Variants in TSHZ1 observed in about 807,000 individuals in gnomAD.
TSHZ1 encodes teashirt homolog 1.
TSHZ1 carries 12 observed loss-of-function variants against 67.1 expected under a neutral mutation model. The observed-to-expected ratio is 0.18, with a 90% CI of 0.11 to 0.29. The LOEUF (loss-of-function observed/expected upper bound fraction) is 0.29, where lower values mean the gene tolerates loss of function less well. Among genes scored for constraint, TSHZ1 ranks in the 10% least tolerant of loss-of-function variants. The pLI is 1.00. For synonymous variants in TSHZ1, 632 were observed against 622.4 expected, an observed-to-expected ratio of 1.02 and a Z score of -0.23; for missense variants, 1,305 against 1,413.9, an observed-to-expected ratio of 0.92 and a Z score of 1.23.
rs1473256378 is a variant in TSHZ1 at position 75,222,223 on chromosome 18, G to T, written c.40+10307G>T. Among the ~76,000 whole-genome samples the T allele has an allele frequency of 4.1e-5, 6 of 145,312 alleles. No homozygotes were observed. In the East Asian group the frequency reaches 9.7e-4, roughly 24 times the overall value. Reference sequence around the variant, plus strand: ...TATTTTTGCAGTGGAAAAGTTGCCTGACTTTTTTTTTTTTTTAAGCAGGTA... The same window carrying T: ...TATTTTTGCAGTGGAAAAGTTGCCTTACTTTTTTTTTTTTTTAAGCAGGTA... On this transcript the variant is annotated intron_variant, in intron 1 of 1. Coordinates refer to ENST00000580243, the MANE Select transcript of TSHZ1 (RefSeq NM_001308210.2).
chr18:75,287,000 C>T lies in TSHZ1; in HGVS notation c.1593C>T (p.Thr531=). The change falls in exon 2 of 2, where the codon ACC becomes ACT. Residue 531 remains threonine, a synonymous_variant. Transcript: ENST00000580243. The surrounding 1 kb of genome is among the most constrained non-coding windows in gnomAD (Gnocchi z 5.1). The part of the protein sequence containing the change: ...EDSLEKFEPS[T]LYPYLREEDL... Reference sequence around the variant, plus strand: ...GCTTGGAGAAATTTGAGCCCAGCACCCTGTACCCGTACCTGCGTGAGGAGG... The same window carrying T: ...GCTTGGAGAAATTTGAGCCCAGCACTCTGTACCCGTACCTGCGTGAGGAGG... The T allele has an allele frequency of 6.2e-7, 1 of 1,614,014 alleles. No homozygotes were observed.
intron 1 of TSHZ1, among the ~76,000 whole-genome samples, chr18:75,212,400 C>T (rs565920247): frequency 1.0e-5 from 1 of 99,120 alleles, no homozygotes; most frequent in Non-Finnish European, 2.4e-5. Context: ...CAAGAGGCCC[C>T]CCGCCCCCAC....
chr18:75,256,244 G>A (rs903015884), intron 1 of TSHZ1, among the ~76,000 whole-genome samples: 1 of 152,130 alleles, frequency 6.6e-6, no homozygotes, highest in Non-Finnish European at 1.5e-5. Flanking sequence ...TATAAATTAG[G>A]TTCCATTTCT....
At chr18:75,215,809 C>T (rs1050648053) in intron 1 of TSHZ1, among the ~76,000 whole-genome samples, 11 of 152,198 alleles carry the variant, frequency 7.2e-5, no homozygotes, top group African/African-American at 2.4e-4. Flanking sequence ...TCCTACCACC[C>T]TGCACACACA....
At position 75,224,545 on chromosome 18, in the gene TSHZ1, G is replaced by A. The variant is rs2022894923; in HGVS notation, c.40+12629G>A. 3.9e-5 allele frequency among the ~76,000 whole-genome samples: 6 copies of A among 152,154 alleles called. 1 individual carries two copies. The highest frequency in any genetic ancestry group is 3.9e-4 in the Admixed American group (6 of 15,280). ...AAATTATATTTCAGCTGGAGGAAGG[G>A]AGAAGTTTAAACATCAGCCCAGATT... On this transcript the variant is annotated intron_variant, in intron 1 of 1. Coordinates refer to ENST00000580243, the MANE Select transcript of TSHZ1 (RefSeq NM_001308210.2).
Position 75,241,328 on chromosome 18 carries a change from G to T in TSHZ1, c.40+29412G>T, listed in dbSNP as rs192826285. ...TATCTCTCCCCTGTAAAAGCGATTG[G>T]TAGCCTTGTTGTGAGCTTGCAGTTC... On this transcript the variant is annotated intron_variant, in intron 1 of 1. Transcript: ENST00000580243. 1.4e-4 allele frequency among the ~76,000 whole-genome samples: 21 copies of T among 152,276 alleles called. No individual in the cohort carries two copies. In the East Asian group the frequency reaches 4.1e-3, roughly 29 times the overall value.
At chr18:75,215,894 A>G (rs1164288873) in intron 1 of TSHZ1, among the ~76,000 whole-genome samples, 1 of 152,032 alleles carries the variant, frequency 6.6e-6, no homozygotes, top group Non-Finnish European at 1.5e-5. Context: ...TCAGCTACTT[A>G]AGGCTGCCCT....
intron 1 of TSHZ1, among the ~76,000 whole-genome samples, chr18:75,278,602 A>G (rs2023644101): frequency 6.6e-6 from 1 of 152,130 alleles, no homozygotes; most frequent in African/African-American, 2.4e-5. Flanking sequence ...GAAGAACCAG[A>G]AGACTCAGCG....
chr18:75,288,742 G>A lies in TSHZ1; in HGVS notation c.*101G>A. 1 of 1,490,532 alleles carries A rather than the reference G, an allele frequency of 6.7e-7. No homozygotes were observed. Among genetic ancestry groups the A allele is most frequent in the Non-Finnish European group, 8.9e-7 (1 of 1,123,192 alleles). 92.3% of individuals were successfully genotyped at this position (1,490,532 alleles called of 1,614,324 possible). On this transcript the variant is annotated 3_prime_UTR_variant, in exon 2 of 2. Transcript: ENST00000580243. The surrounding 1 kb of genome is among the most constrained non-coding windows in gnomAD (Gnocchi z 4.9). ...GAAATCAGTCTTTCCTTTGTTGCTG[G>A]CCCGCCTCTCTGGACCTTGGTTTTC...
Position 75,288,440 on chromosome 18 carries a change from G to A in TSHZ1, c.3033G>A (p.Gln1011=). The A allele has an allele frequency of 6.2e-7, 1 of 1,614,224 alleles. No individual in the cohort carries two copies. Among genetic ancestry groups the A allele is most frequent in the East Asian group, 2.2e-5 (1 of 44,884 alleles). ...TGCCACTCAATCAGATTCAAGAACA[G>A]CAGAATGTTTCGAAAGTCCTCACCA... is the stretch of plus-strand genomic sequence containing the variant. The part of the protein sequence containing the change: ...SKLPLNQIQE[Q]QNVSKVLTNK... Residue 1011 remains glutamine, a synonymous_variant, in exon 2 of 2, where the codon CAG becomes CAA. Transcript: ENST00000580243. The surrounding 1 kb of genome is among the most constrained non-coding windows in gnomAD (Gnocchi z 4.9).
In TSHZ1 at chr18:75,285,827, T is replaced by C. The variant is rs2023747773; in HGVS notation, c.420T>C (p.Gly140=). The C allele has an allele frequency of 6.2e-7, 1 of 1,613,586 alleles. No individual in the cohort carries two copies. Among genetic ancestry groups the C allele is most frequent in the African/African-American group, 1.3e-5 (1 of 74,764 alleles). The stretch of plus-strand genomic sequence containing the variant: ...TAGCTCTGGATTTAAAGAAGTCGGG[T>C]TCCACCACCAGCACCAACGATGCCA... ...SSLALDLKKS[G]STTSTNDASQ... is the part of the protein sequence containing the mutation. The change falls in exon 2 of 2, where the codon GGT becomes GGC. Residue 140 remains glycine, a synonymous_variant. Transcript: ENST00000580243.
rs751761464 is a variant in TSHZ1, at chr18:75,287,436, A to G, written c.2029A>G (p.Asn677Asp). Reference protein sequence around the residue: ...AKAASPIAKENKDFPKTEEVS... With the variant: ...AKAASPIAKEDKDFPKTEEVS... The stretch of plus-strand genomic sequence containing the variant: ...GGCTGCGTCCCCCATAGCAAAAGAG[A>G]ATAAAGATTTCCCGAAAACGGAGGA... The change falls in exon 2 of 2, where the codon AAT becomes GAT. Residue 677 changes from asparagine (N) to aspartate (D), a missense_variant. By Grantham distance (23) the Asn-to-Asp change is conservative. Transcript: ENST00000580243. The surrounding 1 kb of genome is among the most constrained non-coding windows in gnomAD (Gnocchi z 5.0). 2 of 1,614,140 alleles carry G rather than the reference A, an allele frequency of 1.2e-6. No individual in the cohort carries two copies. Among genetic ancestry groups the G allele is most frequent in the African/African-American group, 1.3e-5 (1 of 75,040 alleles).
intron 1 of TSHZ1, chr18:75,244,582 GC>G (rs2023199559): frequency 6.6e-6 from 1 of 152,246 alleles, no homozygotes; most frequent in African/African-American, 2.4e-5. Flanking sequence ...GGTAGACCAG[GC>G]CGGCTTTCTC....
intron 1 of TSHZ1, among the ~76,000 whole-genome samples, chr18:75,239,051 G>A (rs929186508): frequency 4.6e-5 from 7 of 151,990 alleles, no homozygotes; most frequent in Non-Finnish European, 7.4e-5. Flanking sequence ...GCTGGGATGC[G>A]GCCACGCAAG....
intron 1 of TSHZ1, chr18:75,283,620 G>C (rs974465250): frequency 3.3e-5 from 5 of 152,250 alleles, no homozygotes; most frequent in Non-Finnish European, 1.5e-5. Context: ...TGCGCAGATT[G>C]TCGTGTGCAG....
At position 75,232,821 on chromosome 18, in the gene TSHZ1, T is replaced by G. The variant is rs149260714; in HGVS notation, c.40+20905T>G. 4.6e-5 allele frequency among the ~76,000 whole-genome samples: 7 copies of G among 152,368 alleles called. No homozygotes were observed. The East Asian group carries it at 1.3e-3, about 29-fold the overall frequency. ...CTGTATATTTTGCAACATCCTCAGC[T>G]TAAACATGAGATTTTCTACAGATAA... On this transcript the variant is annotated intron_variant, in intron 1 of 1. Transcript: ENST00000580243.
Position 75,287,569 on chromosome 18 carries a change from C to G in TSHZ1, c.2162C>G (p.Ala721Gly). 1.2e-6 allele frequency: 2 copies of G among 1,614,230 alleles called. No homozygotes were observed. The highest frequency in any genetic ancestry group is 1.7e-6 in the Non-Finnish European group (2 of 1,180,040). ...HTPNGTEPLK[A>G]KVTNGCNNLG... Reference sequence around the variant, plus strand: ...CCAAATGGCACAGAGCCTCTCAAAGCAAAGGTCACCAACGGCTGTAACAAC... The same window carrying G: ...CCAAATGGCACAGAGCCTCTCAAAGGAAAGGTCACCAACGGCTGTAACAAC... The change falls in exon 2 of 2, where the codon GCA (alanine) becomes GGA (glycine). Residue 721 changes from alanine (A) to glycine (G), a missense_variant. Ala to Gly is a moderately conservative substitution (Grantham distance 60, BLOSUM62 0). Transcript: ENST00000580243. The surrounding 1 kb of genome is among the most constrained non-coding windows in gnomAD (Gnocchi z 5.0).
At chr18:75,274,221 G>A (rs12965321) in intron 1 of TSHZ1, among the ~76,000 whole-genome samples, 4,369 of 152,244 alleles carry the variant, frequency 0.029, 85 homozygotes, top group East Asian at 0.076. Context: ...ATGATCTGGA[G>A]TCTTTGTTTT....
intron 1 of TSHZ1, among the ~76,000 whole-genome samples, chr18:75,224,503 T>C (rs2022894518): frequency 6.6e-6 from 1 of 152,210 alleles, no homozygotes; most frequent in Non-Finnish European, 1.5e-5. Context: ...TATCTGAATT[T>C]TTTATGGACT....
Sources: gnomAD v4.1 joint callset for allele counts (sites outside exome capture counted in the v4.1 genomes callset) on GRCh38, gnomAD v4.1.1 for gene constraint, Gnocchi (gnomAD v3.1) non-coding constraint, MANE v1.5 for transcripts, NCBI Gene and HGNC (gene_info 2026-07-23, HGNC 2026-07-21) for gene names.